MEPCE: variants seen among roughly 807,000 people sequenced by gnomAD.
The protein encoded by MEPCE is methylphosphate capping enzyme.
In MEPCE, 9 loss-of-function variants were observed where a neutral mutation model predicts 52.3. The observed-to-expected ratio is 0.17, with a 90% CI of 0.10 to 0.30. The LOEUF (loss-of-function observed/expected upper bound fraction) is 0.30, where lower values mean the gene tolerates loss of function less well. MEPCE is among the 10% of genes least tolerant of loss of function. The pLI, the probability that MEPCE is intolerant of heterozygous loss-of-function variation, is 1.00. For missense variants in MEPCE, 826 were observed against 933.0 expected (o/e 0.89, Z 1.49); for synonymous variants, 477 against 401.6 (o/e 1.19, Z -2.25).
chr7:100,431,975 C>T (rs1798730693), intron 1 of MEPCE, among the ~76,000 whole-genome samples: 3 of 152,186 alleles, frequency 2.0e-5, no homozygotes, highest in Middle Eastern at 3.2e-3. Context: ...CACTGGTCCA[C>T]CTTCCCTTCC....
Position 100,433,102 on chromosome 7 carries a change from C to A in MEPCE, c.1855C>A (p.Pro619Thr). 6.2e-7 allele frequency: 1 copy of A among 1,614,008 alleles called. No individual in the cohort carries two copies. Among genetic ancestry groups the A allele is most frequent in the Non-Finnish European group, 8.5e-7 (1 of 1,180,038 alleles). The change falls in exon 2 of 4, where the codon CCC (proline) becomes ACC (threonine). Residue 619 changes from proline (P) to threonine (T), a missense_variant. Pro to Thr is a conservative substitution (Grantham distance 38, BLOSUM62 -1). Around this residue, in one of 7 missense-constraint regions of MEPCE, gnomAD observed 82 missense variants for 121.4 expected, o/e 0.68. Coordinates refer to ENST00000310512, the MANE Select transcript of MEPCE (RefSeq NM_019606.6). ...GGGCATCCTGGTCCTAGAGCCCCAACCCTGGTCGTCGTATGGCAAGAGAAA... is the reference window on the plus strand; with the variant it reads ...GGGCATCCTGGTCCTAGAGCCCCAAACCTGGTCGTCGTATGGCAAGAGAAA... ...PGGILVLEPQ[P>T]WSSYGKRKTL...
rs973917036 is a variant in MEPCE at position 100,430,069 on chromosome 7, G to A, written c.51G>A (p.Pro17=). 2.4e-6 allele frequency: 3 copies of A among 1,265,356 alleles called. No homozygotes were observed. In the African/African-American group the frequency reaches 4.6e-5, roughly 20 times the overall value. 78.4% of individuals were successfully genotyped at this position (1,265,356 alleles called of 1,614,324 possible). A position where few individuals can be genotyped will look rare whatever the true frequency, so the allele number is the denominator to read the frequency against. Residue 17 remains proline (P), a synonymous_variant, in exon 1 of 4, where the codon CCG becomes CCA. Coordinates refer to ENST00000310512, the MANE Select transcript of MEPCE (RefSeq NM_019606.6). ...AGCCGTTTCTGGTGCCGGCCCCGCC[G>A]CCGCCGCTCAAAGATGAGTCGGGCG... ...EKEPFLVPAP[P]PPLKDESGGG...
Position 100,433,527 on chromosome 7 carries a change from C to G in MEPCE, c.2043C>G (p.Phe681Leu). The change falls in exon 4 of 4, where the codon TTC (phenylalanine) becomes TTG (leucine). Residue 681 changes from phenylalanine to leucine, a missense_variant. Transcript: ENST00000310512. ...SKGFQRPVYL[F>L]HKARSPSH ...GCTTCCAGCGTCCTGTGTACCTGTT[C>G]CACAAGGCCCGATCCCCCAGCCACT... is the stretch of plus-strand genomic sequence containing the variant. The G allele has an allele frequency of 1.2e-6, 2 of 1,613,610 alleles. No individual in the cohort carries two copies. The highest frequency in any genetic ancestry group is 1.7e-6 in the Non-Finnish European group (2 of 1,180,020).
In MEPCE at chr7:100,433,711, C is replaced by T. The variant is rs1278003015; in HGVS notation, c.*157C>T. On this transcript the variant is annotated 3_prime_UTR_variant, in exon 4 of 4. Coordinates refer to ENST00000310512, the MANE Select transcript of MEPCE (RefSeq NM_019606.6). The stretch of plus-strand genomic sequence containing the variant: ...AGCTTTTCTTCCGTCGCTGCCTCAG[C>T]CTCCTCCCTATGCCTCTGGCACCTG... The T allele has an allele frequency of 2.7e-6, 2 of 751,064 alleles. No individual in the cohort carries two copies. Among genetic ancestry groups the T allele is most frequent in the Non-Finnish European group, 4.3e-6 (2 of 463,964 alleles). 46.5% of individuals were successfully genotyped at this position (751,064 alleles called of 1,614,324 possible).
chr7:100,429,196 G>T (rs946175130), upstream of MEPCE, among the ~76,000 whole-genome samples: 6 of 152,102 alleles, frequency 3.9e-5, no homozygotes, highest in Non-Finnish European at 8.8e-5. Flanking sequence ...AATAATTCAT[G>T]AGCCCCGCCC....
intron 1 of MEPCE, among the ~76,000 whole-genome samples, chr7:100,432,034 C>T (rs1260794623): frequency 6.6e-6 from 1 of 152,152 alleles, no homozygotes; most frequent in East Asian, 1.9e-4. Context: ...GGAACTTGGT[C>T]CTCAGATTTA....
intron 3 of MEPCE, 43 bp downstream of exon 3, chr7:100,433,432 AAG>A (rs1250274546): frequency 1.9e-6 from 3 of 1,614,012 alleles, no homozygotes; most frequent in African/African-American, 1.3e-5. Flanking sequence ...TCCTGGCTGA[AAG>A]AGTGCAGACC....
rs2131002708 is a variant in MEPCE, at chr7:100,430,641, C to G, written c.623C>G (p.Thr208Ser). 2.5e-6 allele frequency: 4 copies of G among 1,613,730 alleles called. No individual in the cohort carries two copies. In the East Asian group the frequency reaches 6.7e-5, roughly 27 times the overall value. ...NSLLDEEVSRTLNAETPKSSP... is the reference protein window; with the variant it reads ...NSLLDEEVSRSLNAETPKSSP... ...CTCCTGGATGAGGAAGTGAGCCGCA[C>G]TCTCAACGCGGAGACCCCTAAGTCA... The change falls in exon 1 of 4, where the codon ACT becomes AGT. Residue 208 changes from threonine (T) to serine (S), a missense_variant. Physicochemically the swap from Thr to Ser is moderately conservative, Grantham distance 58. Transcript: ENST00000310512.
At position 100,431,003 on chromosome 7, in the gene MEPCE, G is replaced by T; in HGVS notation, c.985G>T (p.Val329Leu). Residue 329 changes from valine (V) to leucine (L), a missense_variant, in exon 1 of 4, where the codon GTG becomes TTG. Around this residue, in one of 7 missense-constraint regions of MEPCE, gnomAD observed 307 missense variants for 292.1 expected, o/e 1.05. Coordinates refer to ENST00000310512, the MANE Select transcript of MEPCE (RefSeq NM_019606.6). ...NTAINCRDEV[V>L]SPLPSALQGP... is the part of the protein sequence containing the mutation. ...AGCCATCAACTGCAGGGATGAAGTG[G>T]TGTCTCCCCTTCCATCTGCTCTGCA... 1 of 1,613,638 alleles carries T rather than the reference G, an allele frequency of 6.2e-7. No homozygotes were observed. Among genetic ancestry groups the T allele is most frequent in the South Asian group, 1.1e-5 (1 of 91,040 alleles).
chr7:100,430,273 C>T lies in MEPCE; in HGVS notation c.255C>T (p.His85=), dbSNP rs1343851586. Residue 85 remains histidine (H), a synonymous_variant, in exon 1 of 4, where the codon CAC becomes CAT. Coordinates refer to ENST00000310512, the MANE Select transcript of MEPCE (RefSeq NM_019606.6). Reference sequence around the variant, plus strand: ...CCAGTGGTCCCCAGGCGCAGCAGCACCGAGGGGGCGGCCCCCAGGCGCAGT... The same window carrying T: ...CCAGTGGTCCCCAGGCGCAGCAGCATCGAGGGGGCGGCCCCCAGGCGCAGT... ...TSSSGPQAQQ[H]RGGGPQAQSH... 6 of 1,400,696 alleles carry T rather than the reference C, an allele frequency of 4.3e-6. No homozygotes were observed. In the South Asian group the frequency reaches 8.1e-5, roughly 19 times the overall value. 86.8% of individuals were successfully genotyped at this position (1,400,696 alleles called of 1,614,324 possible).
In MEPCE at chr7:100,432,775, G is replaced by A. The variant is rs1798756933; in HGVS notation, c.1672-144G>A. On this transcript the variant is annotated intron_variant, in intron 1 of 3. Coordinates refer to ENST00000310512, the MANE Select transcript of MEPCE (RefSeq NM_019606.6). Reference sequence around the variant, plus strand: ...AGAAAACAAAACTCAAAGAGGGCAGGCACCTTTTGGGAGTTAGTCTGAGAA... The same window carrying A: ...AGAAAACAAAACTCAAAGAGGGCAGACACCTTTTGGGAGTTAGTCTGAGAA... 1.2e-5 allele frequency: 9 copies of A among 734,884 alleles called. No individual in the cohort carries two copies. The East Asian group carries it at 2.2e-4, about 18-fold the overall frequency. The allele number at this position is 734,884 out of a possible 1,614,324, so 45.5% of individuals were successfully genotyped here.
Position 100,433,574 on chromosome 7 carries a change from G to A in MEPCE, c.*20G>A. The A allele has an allele frequency of 1.9e-6, 3 of 1,611,584 alleles. No individual in the cohort carries two copies. The highest frequency in any genetic ancestry group is 1.1e-5 in the South Asian group (1 of 90,952). Reference sequence around the variant, plus strand: ...CACTAAGTGGCCCCCTAAACAGAAAGTGTGAAGAGGCTGCCCTCGCTGCTC... The same window carrying A: ...CACTAAGTGGCCCCCTAAACAGAAAATGTGAAGAGGCTGCCCTCGCTGCTC... On this transcript the variant is annotated 3_prime_UTR_variant, in exon 4 of 4. Transcript: ENST00000310512.
chr7:100,431,250 G>A lies in MEPCE; in HGVS notation c.1232G>A (p.Arg411His). 1 of 1,614,098 alleles carries A rather than the reference G, an allele frequency of 6.2e-7. No homozygotes were observed. Among genetic ancestry groups the A allele is most frequent in the Non-Finnish European group, 8.5e-7 (1 of 1,180,030 alleles). Reference protein sequence around the residue: ...LPAAGFKKQQRKFQYGNYCKY... With the variant: ...LPAAGFKKQQHKFQYGNYCKY... ...GCAGCAGGCTTCAAAAAGCAACAGC[G>A]CAAGTTCCAGTATGGGAATTATTGC... is the stretch of plus-strand genomic sequence containing the variant. Residue 411 changes from arginine to histidine, a missense_variant, in exon 1 of 4, where the codon CGC (arginine) becomes CAC (histidine). Physicochemically the swap from Arg to His is conservative, Grantham distance 29 (BLOSUM62 0). Transcript: ENST00000310512.
rs1798791325 is a variant in MEPCE, at chr7:100,433,692, TC to T, written c.*139del. Reference sequence around the variant, plus strand: ...TTCTTGGATCTGCAAAGAAAGCTTTTCTTCCGTCGCTGCCTCAGCCTCCTCC... The same window carrying T: ...TTCTTGGATCTGCAAAGAAAGCTTTTTTCCGTCGCTGCCTCAGCCTCCTCC... On this transcript the variant is annotated 3_prime_UTR_variant, in exon 4 of 4. Coordinates refer to ENST00000310512, the MANE Select transcript of MEPCE (RefSeq NM_019606.6). 2.2e-6 allele frequency: 2 copies of T among 903,122 alleles called. No individual in the cohort carries two copies. The highest frequency in any genetic ancestry group is 2.6e-5 in the Admixed American group (1 of 39,198). The allele number at this position is 903,122 out of a possible 1,614,324, so 55.9% of individuals were successfully genotyped here. A position where few individuals can be genotyped will look rare whatever the true frequency, so the allele number is the denominator to read the frequency against.
In MEPCE at chr7:100,431,618, A is replaced by G; in HGVS notation, c.1600A>G (p.Ile534Val). Residue 534 changes from isoleucine (I) to valine (V), a missense_variant, in exon 1 of 4, where the codon ATC becomes GTC. This residue lies in a region of MEPCE where 107 missense variants were observed against 157.9 expected (regional missense o/e 0.68). Coordinates refer to ENST00000310512, the MANE Select transcript of MEPCE (RefSeq NM_019606.6). The stretch of plus-strand genomic sequence containing the variant: ...CTCGCTGACTGCCAGCCGGGGTCCC[A>G]TCGCTGCCCCCCAAGTGCCCTTGGA... ...PASLTASRGP[I>V]AAPQVPLDGA... The G allele has an allele frequency of 3.1e-6, 5 of 1,609,062 alleles. No individual in the cohort carries two copies. The highest frequency in any genetic ancestry group is 3.4e-6 in the Non-Finnish European group (4 of 1,179,986).
chr7:100,431,560 C>T lies in MEPCE; in HGVS notation c.1542C>T (p.Thr514=). The T allele has an allele frequency of 6.2e-7, 1 of 1,612,578 alleles. No homozygotes were observed. Among genetic ancestry groups the T allele is most frequent in the Non-Finnish European group, 8.5e-7 (1 of 1,180,030 alleles). The stretch of plus-strand genomic sequence containing the variant: ...CGGGGGCAGAGGGTGAGGAAGGGAC[C>T]ACCACCGTTCGAAAGAGGAGCTGCT... ...GDPGAEGEEG[T]TTVRKRSCFP... is the part of the protein sequence containing the mutation. Residue 514 remains threonine, a synonymous_variant, in exon 1 of 4, where the codon ACC becomes ACT. Transcript: ENST00000310512.
upstream of MEPCE, chr7:100,429,158 G>T (rs971096170): frequency 2.0e-5 from 3 of 152,226 alleles, no homozygotes; most frequent in Admixed American, 6.5e-5. Flanking sequence ...TGGGCAGAGG[G>T]GGGGAGGTTT....
At position 100,433,134 on chromosome 7, in the gene MEPCE, T is replaced by C. The variant is rs143252706; in HGVS notation, c.1887T>C (p.Leu629=). The C allele has an allele frequency of 6.2e-7, 1 of 1,613,810 alleles. No individual in the cohort carries two copies. The highest frequency in any genetic ancestry group is 1.3e-5 in the African/African-American group (1 of 74,938). The part of the protein sequence containing the change: ...PWSSYGKRKT[L]TETIYKNYYR... The stretch of plus-strand genomic sequence containing the variant: ...CGTCGTATGGCAAGAGAAAGACTCT[T>C]ACAGTGAGTTGGGTGTTGGGGGAAT... Residue 629 remains leucine (L), a synonymous_variant, in exon 2 of 4, where the codon CTT becomes CTC. Coordinates refer to ENST00000310512, the MANE Select transcript of MEPCE (RefSeq NM_019606.6).
Position 100,430,476 on chromosome 7 carries a change from G to A in MEPCE, c.458G>A (p.Cys153Tyr). The change falls in exon 1 of 4, where the codon TGT (cysteine) becomes TAT (tyrosine). Residue 153 changes from cysteine to tyrosine, a missense_variant. Around this residue, in one of 7 missense-constraint regions of MEPCE, gnomAD observed 314 missense variants for 277.7 expected, o/e 1.13. Transcript: ENST00000310512. ...GGCGGGGGCAAGAGGAGAAATAGCT[G>A]TAATGTAGGGGGAGGCGGGGGAGGC... ...GGGGGKRRNS[C>Y]NVGGGGGGFK... 6.4e-7 allele frequency: 1 copy of A among 1,568,552 alleles called. No homozygotes were observed.
Sources: gnomAD v4.1 joint callset for allele counts (sites outside exome capture counted in the v4.1 genomes callset) on GRCh38, gnomAD v4.1.1 for gene constraint, gnomAD v4.1.1 regional missense constraint, MANE v1.5 for transcripts, NCBI Gene and HGNC (gene_info 2026-07-23, HGNC 2026-07-21) for gene names.